KCNV1: variants seen among roughly 807,000 people sequenced by gnomAD.
KCNV1 encodes the protein potassium voltage-gated channel subfamily V member 1.
In KCNV1, 2 loss-of-function variants were observed where a neutral mutation model predicts 36.4. The ratio of observed to expected loss-of-function variants is 0.05; its 90% CI spans 0.02 to 0.17. KCNV1 has a LOEUF of 0.17. KCNV1 is among the 10% of genes least tolerant of loss of function. The pLI is 1.00. For synonymous variants in KCNV1, 280 were observed against 261.1 expected (o/e 1.07, Z -0.70); for missense variants, 321 against 643.6 (o/e 0.50, Z 5.42).
At chr8:109,973,130 A>G (rs1379785307) in intron 2 of KCNV1, among the ~76,000 whole-genome samples, 1 of 151,918 alleles carries the variant, frequency 6.6e-6, no homozygotes, top group Non-Finnish European at 1.5e-5. Flanking sequence ...GGTACGCACC[A>G]CCAGCACCCC....
At position 109,964,940 on chromosome 8, in the gene KCNV1, A is replaced by G. The variant is rs1291855870; in HGVS notation, c.*3148T>C. 6.6e-6 allele frequency: 1 copy of G among 152,206 alleles called. No homozygotes were observed. Among genetic ancestry groups the G allele is most frequent in the Non-Finnish European group, 1.5e-5 (1 of 68,032 alleles). 9.4% of individuals were successfully genotyped at this position (152,206 alleles called of 1,614,324 possible). ...TAATCCGTGCAAAAAAACTCTCATG[A>G]CACAAGATTACCTGTATAACAAACC... is the stretch of plus-strand genomic sequence containing the variant. On this transcript the variant is annotated 3_prime_UTR_variant, in exon 4 of 4. Coordinates refer to ENST00000524391, the MANE Select transcript of KCNV1 (RefSeq NM_014379.4).
chr8:109,971,099 A>C (rs1820005300), intron 3 of KCNV1, among the ~76,000 whole-genome samples: 1 of 152,228 alleles, frequency 6.6e-6, no homozygotes, highest in African/African-American at 2.4e-5. Context: ...GTGGTCAGTC[A>C]GGGCACATAT....
Position 109,974,603 on chromosome 8 carries a change from G to T in KCNV1, c.-215C>A, listed in dbSNP as rs1820057980. ...GGGAGTGCGCGGAAGCAGCGCACAA[G>T]TGGCAGAAAGAGGAGACAGGGAGCA... On this transcript the variant is annotated 5_prime_UTR_variant, in exon 2 of 4. Coordinates refer to ENST00000524391, the MANE Select transcript of KCNV1 (RefSeq NM_014379.4). This position sits in a 1 kb window ranked among gnomAD's most constrained non-coding sequence, Gnocchi z 6.2. The T allele has an allele frequency of 5.1e-6, 3 of 584,720 alleles. No individual in the cohort carries two copies. Among genetic ancestry groups the T allele is most frequent in the Non-Finnish European group, 9.1e-6 (3 of 331,130 alleles). 36.2% of individuals were successfully genotyped at this position (584,720 alleles called of 1,614,324 possible).
In KCNV1 at chr8:109,968,997, A is replaced by G. The variant is rs924752395; in HGVS notation, c.992-398T>C. Among the ~76,000 whole-genome samples, 2 of 152,270 alleles carry G rather than the reference A, an allele frequency of 1.3e-5. No homozygotes were observed. The highest frequency in any genetic ancestry group is 2.1e-4 in the South Asian group (1 of 4,826). On this transcript the variant is annotated intron_variant, in intron 3 of 3. Coordinates refer to ENST00000524391, the MANE Select transcript of KCNV1 (RefSeq NM_014379.4). This position sits in a 1 kb window ranked among gnomAD's most constrained non-coding sequence, Gnocchi z 5.3. ...GCATGTGGAGGGCATATTTGGTCAC[A>G]CCTGCATTTCAATGCATCATTTTAG...
chr8:109,973,414 G>A (rs781675486), intron 2 of KCNV1, among the ~76,000 whole-genome samples: 5 of 152,198 alleles, frequency 3.3e-5, no homozygotes, highest in Non-Finnish European at 5.9e-5. Context: ...TTTTGTGTGT[G>A]TGTAAAGGAA....
chr8:109,974,518 T>G lies in KCNV1; in HGVS notation c.-130A>C. ...TCCCCGGGCTCCCGAAGGGGTTACC[T>G]CTCCTTGGCGCACCCTCTCCACCCG... is the stretch of plus-strand genomic sequence containing the variant. On this transcript the variant is annotated 5_prime_UTR_variant, in exon 2 of 4. Coordinates refer to ENST00000524391, the MANE Select transcript of KCNV1 (RefSeq NM_014379.4). The surrounding 1 kb of genome is among the most constrained non-coding windows in gnomAD (Gnocchi z 6.2). 1.5e-6 allele frequency: 1 copy of G among 662,812 alleles called. No homozygotes were observed. The highest frequency in any genetic ancestry group is 2.5e-6 in the Non-Finnish European group (1 of 396,418). The allele number at this position is 662,812 out of a possible 1,614,324, so 41.1% of individuals were successfully genotyped here. A position where few individuals can be genotyped will look rare whatever the true frequency, so the allele number is the denominator to read the frequency against.
chr8:109,964,405 G>A lies in KCNV1; in HGVS notation c.*3683C>T, dbSNP rs1342556767. The A allele has an allele frequency of 2.6e-5, 4 of 151,872 alleles. No homozygotes were observed. Among genetic ancestry groups the A allele is most frequent in the Non-Finnish European group, 5.9e-5 (4 of 68,000 alleles). 9.4% of individuals were successfully genotyped at this position (151,872 alleles called of 1,614,324 possible). A position where few individuals can be genotyped will look rare whatever the true frequency, so the allele number is the denominator to read the frequency against. On this transcript the variant is annotated 3_prime_UTR_variant, in exon 4 of 4. Transcript: ENST00000524391. ...GAACGCATATACACTGATACTGGGA[G>A]TGTAAATTAGTTCAGCCATGTGAGA...
chr8:109,964,649 T>A lies in KCNV1; in HGVS notation c.*3439A>T, dbSNP rs1194486527. Reference sequence around the variant, plus strand: ...GAAAATGTATGTATACACCATGAAGTACTATCCAGCCATATGAAAGAATGA... The same window carrying A: ...GAAAATGTATGTATACACCATGAAGAACTATCCAGCCATATGAAAGAATGA... On this transcript the variant is annotated 3_prime_UTR_variant, in exon 4 of 4. Coordinates refer to ENST00000524391, the MANE Select transcript of KCNV1 (RefSeq NM_014379.4). 1.3e-5 allele frequency: 2 copies of A among 152,184 alleles called. No individual in the cohort carries two copies. The highest frequency in any genetic ancestry group is 1.9e-4 in the East Asian group (1 of 5,206). The allele number at this position is 152,184 out of a possible 1,614,324, so 9.4% of individuals were successfully genotyped here.
Position 109,975,116 on chromosome 8 carries a change from C to G in KCNV1, c.-728G>C, listed in dbSNP as rs1563836351. 1 of 152,210 alleles carries G rather than the reference C, an allele frequency of 6.6e-6. No homozygotes were observed. Among genetic ancestry groups the G allele is most frequent in the Non-Finnish European group, 1.5e-5 (1 of 68,162 alleles). The allele number at this position is 152,210 out of a possible 1,614,324, so 9.4% of individuals were successfully genotyped here. On this transcript the variant is annotated 5_prime_UTR_variant, in exon 2 of 4. Coordinates refer to ENST00000524391, the MANE Select transcript of KCNV1 (RefSeq NM_014379.4). ...GGGTGAGGGGGCCGCACCATTTTCT[C>G]CCAATTCACTCTCATTCTAGTCTGA...
At chr8:109,973,868 T>G (rs952678625) in intron 2 of KCNV1, 60 bp downstream of exon 2, 2 of 1,171,460 alleles carry the variant, frequency 1.7e-6, no homozygotes, top group African/African-American at 1.6e-5. Context: ...TACCTGTGCC[T>G]TCCTCTCTTT....
Position 109,974,437 on chromosome 8 carries a change from G to A in KCNV1, c.-49C>T. ...GAGGGCGCCACAAAGTTGGGGACAC[G>A]CCGGAAGCTTTGGTCCCGCGAGGGC... On this transcript the variant is annotated 5_prime_UTR_variant, in exon 2 of 4. Transcript: ENST00000524391. This position sits in a 1 kb window ranked among gnomAD's most constrained non-coding sequence, Gnocchi z 6.2. 1 of 1,339,180 alleles carries A rather than the reference G, an allele frequency of 7.5e-7. No individual in the cohort carries two copies. Among genetic ancestry groups the A allele is most frequent in the Middle Eastern group, 2.4e-4 (1 of 4,196 alleles). 83.0% of individuals were successfully genotyped at this position (1,339,180 alleles called of 1,614,324 possible).
Position 109,974,418 on chromosome 8 carries a change from G to T in KCNV1, c.-30C>A. On this transcript the variant is annotated 5_prime_UTR_variant, in exon 2 of 4. Coordinates refer to ENST00000524391, the MANE Select transcript of KCNV1 (RefSeq NM_014379.4). The surrounding 1 kb of genome is among the most constrained non-coding windows in gnomAD (Gnocchi z 6.2). The stretch of plus-strand genomic sequence containing the variant: ...AACCCAGTCGCCGCGGCCTGAGGGC[G>T]CCACAAAGTTGGGGACACGCCGGAA... 1 of 1,419,054 alleles carries T rather than the reference G, an allele frequency of 7.0e-7. No individual in the cohort carries two copies. Among genetic ancestry groups the T allele is most frequent in the South Asian group, 1.4e-5 (1 of 69,020 alleles). The allele number at this position is 1,419,054 out of a possible 1,614,324, so 87.9% of individuals were successfully genotyped here. A position where few individuals can be genotyped will look rare whatever the true frequency, so the allele number is the denominator to read the frequency against.
rs1587138819 is a variant in KCNV1 at position 109,974,549 on chromosome 8, C to A, written c.-161G>T. 1.7e-6 allele frequency: 1 copy of A among 602,810 alleles called. No homozygotes were observed. The highest frequency in any genetic ancestry group is 2.8e-5 in the East Asian group (1 of 35,538). 37.3% of individuals were successfully genotyped at this position (602,810 alleles called of 1,614,324 possible). A position where few individuals can be genotyped will look rare whatever the true frequency, so the allele number is the denominator to read the frequency against. The stretch of plus-strand genomic sequence containing the variant: ...TGGCGCACCCTCTCCACCCGCTGTG[C>A]GCCTTCCTCCTCCTGCCGCTAGGGA... On this transcript the variant is annotated 5_prime_UTR_variant, in exon 2 of 4. Coordinates refer to ENST00000524391, the MANE Select transcript of KCNV1 (RefSeq NM_014379.4). The surrounding 1 kb of genome is among the most constrained non-coding windows in gnomAD (Gnocchi z 6.2).
At chr8:109,973,530 A>G (rs987508515) in intron 2 of KCNV1, among the ~76,000 whole-genome samples, 1 of 152,158 alleles carries the variant, frequency 6.6e-6, no homozygotes, top group Non-Finnish European at 1.5e-5. Flanking sequence ...ACAATTCTCC[A>G]TTCAAGTTTT....
rs1383558174 is a variant in KCNV1 at position 109,963,829 on chromosome 8, AAT to A, written c.*4257_*4258del. The A allele has an allele frequency of 6.6e-6, 1 of 152,238 alleles. No homozygotes were observed. Among genetic ancestry groups the A allele is most frequent in the Non-Finnish European group, 1.5e-5 (1 of 68,048 alleles). The allele number at this position is 152,238 out of a possible 1,614,324, so 9.4% of individuals were successfully genotyped here. A position where few individuals can be genotyped will look rare whatever the true frequency, so the allele number is the denominator to read the frequency against. ...TAATATATACATAAAATAAAATATG[AAT>A]ATGTCACTCTTAATAGAGATACCTC... On this transcript the variant is annotated 3_prime_UTR_variant, in exon 4 of 4. Transcript: ENST00000524391.
Position 109,972,577 on chromosome 8 carries a change from G to A in KCNV1, c.672C>T (p.Ile224=), listed in dbSNP as rs1441808005. Residue 224 remains isoleucine (I), a synonymous_variant, in exon 3 of 4, where the codon ATC becomes ATT. Transcript: ENST00000524391. The surrounding 1 kb of genome is among the most constrained non-coding windows in gnomAD (Gnocchi z 5.2). ...CAGCTGACATCAGGGCCATGTTAAT[G>A]ATGGACACCACCACGAAGATAATGG... ...VISIIFVVVS[I]INMALMSAEL... is the part of the protein sequence containing the mutation. 3.1e-6 allele frequency: 5 copies of A among 1,614,208 alleles called. No individual in the cohort carries two copies. The highest frequency in any genetic ancestry group is 3.4e-6 in the Non-Finnish European group (4 of 1,180,052).
chr8:109,973,141 C>T (rs1383562390), intron 2 of KCNV1, among the ~76,000 whole-genome samples: 1 of 151,964 alleles, frequency 6.6e-6, no homozygotes. Context: ...CCAGCACCCC[C>T]GGGTAATTTT....
rs762375057 is a variant in KCNV1, at chr8:109,974,053, A to G, written c.336T>C (p.Tyr112=). Residue 112 remains tyrosine, a synonymous_variant, in exon 2 of 4, where the codon TAT becomes TAC. Transcript: ENST00000524391. This position sits in a 1 kb window ranked among gnomAD's most constrained non-coding sequence, Gnocchi z 6.2. ...GGCCGGTGCGGTAGTAGTGCAGGAC[A>G]TATCGGAACGCCTGCGAGCTGCGGT... ...FFDRSSQAFR[Y]VLHYYRTGRL... 4.3e-6 allele frequency: 7 copies of G among 1,613,336 alleles called. No homozygotes were observed. The highest frequency in any genetic ancestry group is 1.6e-4 in the Middle Eastern group (1 of 6,082).
In KCNV1 at chr8:109,965,107, T is replaced by G. The variant is rs551225125; in HGVS notation, c.*2981A>C. 2 of 152,054 alleles carry G rather than the reference T, an allele frequency of 1.3e-5. No homozygotes were observed. Among genetic ancestry groups the G allele is most frequent in the African/African-American group, 4.8e-5 (2 of 41,402 alleles). 9.4% of individuals were successfully genotyped at this position (152,054 alleles called of 1,614,324 possible). Reference sequence around the variant, plus strand: ...CCTCTAGTCCCAGCTACTCGCGAGGTTGACGCAGGAGAATGGTGTGAACCC... The same window carrying G: ...CCTCTAGTCCCAGCTACTCGCGAGGGTGACGCAGGAGAATGGTGTGAACCC... On this transcript the variant is annotated 3_prime_UTR_variant, in exon 4 of 4. Coordinates refer to ENST00000524391, the MANE Select transcript of KCNV1 (RefSeq NM_014379.4).
Sources: gnomAD v4.1 joint callset for allele counts (sites outside exome capture counted in the v4.1 genomes callset) on GRCh38, gnomAD v4.1.1 for gene constraint, Gnocchi (gnomAD v3.1) non-coding constraint, MANE v1.5 for transcripts, NCBI Gene and HGNC (gene_info 2026-07-23, HGNC 2026-07-21) for gene names.